Variants in POLR3E observed in about 807,000 individuals in gnomAD.
POLR3E encodes DNA-directed RNA polymerase III subunit RPC5.
A neutral mutation model predicts 96.6 loss-of-function variants in POLR3E; 41 were observed. The ratio of observed to expected loss-of-function variants is 0.42; its 90% CI spans 0.33 to 0.55. The LOEUF is 0.55. Ranked by LOEUF, POLR3E falls within the 20% of genes least tolerant of loss-of-function variation. The pLI, the probability that POLR3E is intolerant of heterozygous loss-of-function variation, is 0.06. For synonymous variants in POLR3E, 396 were observed against 383.6 expected (o/e 1.03, Z -0.38); for missense variants, 849 against 952.1 (o/e 0.89, Z 1.43).
In POLR3E at chr16:22,309,076, G is replaced by T. The variant is rs754939971; in HGVS notation, c.281+36G>T. On this transcript the variant is annotated intron_variant, in intron 5 of 20. Coordinates refer to ENST00000299853, the MANE Select transcript of POLR3E (RefSeq NM_018119.4). The stretch of plus-strand genomic sequence containing the variant: ...GGCCCCAAGCCTGTCCGGTTTCCCT[G>T]CGTTCACACAGGAGCCTCCAAAAGA... 1.2e-5 allele frequency: 17 copies of T among 1,452,594 alleles called. No individual in the cohort carries two copies. In the East Asian group the frequency reaches 2.9e-4, roughly 25 times the overall value. 90.0% of individuals were successfully genotyped at this position (1,452,594 alleles called of 1,614,324 possible).
At position 22,322,762 on chromosome 16, in the gene POLR3E, A is replaced by C. The variant is rs1240087514; in HGVS notation, c.987-88A>C. The stretch of plus-strand genomic sequence containing the variant: ...CCTGTACCCAGCCCACGGTGGAAAG[A>C]AGCATGGACTGGGGCTTGGCCGGGA... On this transcript the variant is annotated intron_variant, in intron 13 of 20. Transcript: ENST00000299853. The surrounding 1 kb of genome is among the most constrained non-coding windows in gnomAD (Gnocchi z 5.2). The C allele has an allele frequency of 5.7e-6, 5 of 881,442 alleles. No individual in the cohort carries two copies. The South Asian group carries it at 5.7e-5, about 10-fold the overall frequency. 54.6% of individuals were successfully genotyped at this position (881,442 alleles called of 1,614,324 possible).
At chr16:22,304,135 T>C (rs2048086264) in intron 2 of POLR3E, among the ~76,000 whole-genome samples, 1 of 152,110 alleles carries the variant, frequency 6.6e-6, no homozygotes, top group Non-Finnish European at 1.5e-5. Flanking sequence ...TAGAGAAAGC[T>C]GTTGATAGTC....
chr16:22,308,080 C>A, intron 3 of POLR3E, 68 bp from the exon 4 acceptor site: 3 of 1,230,084 alleles, frequency 2.4e-6, no homozygotes, highest in South Asian at 1.2e-5. Context: ...GCTGTTGATT[C>A]TTGGCCAGGG....
chr16:22,328,626 G>C (rs1368616797), intron 19 of POLR3E, 39 bp downstream of exon 19: 5 of 1,570,260 alleles, frequency 3.2e-6, no homozygotes, highest in Non-Finnish European at 4.4e-6. Context: ...GAAGAGCCAG[G>C]GGGGTTTCCT....
Position 22,322,825 on chromosome 16 carries a change from C to T in POLR3E, c.987-25C>T. 2 of 1,569,830 alleles carry T rather than the reference C, an allele frequency of 1.3e-6. No individual in the cohort carries two copies. The highest frequency in any genetic ancestry group is 1.1e-5 in the South Asian group (1 of 89,966). On this transcript the variant is annotated intron_variant, in intron 13 of 20. Transcript: ENST00000299853. This position sits in a 1 kb window ranked among gnomAD's most constrained non-coding sequence, Gnocchi z 5.2. Reference sequence around the variant, plus strand: ...GAGGGGGCTCAGGGCAGGGACTGACCTGCCATCCTCACCTGCATTGGCAGT... The same window carrying T: ...GAGGGGGCTCAGGGCAGGGACTGACTTGCCATCCTCACCTGCATTGGCAGT...
At chr16:22,306,400 C>A (rs2048133773) in intron 3 of POLR3E, among the ~76,000 whole-genome samples, 1 of 152,104 alleles carries the variant, frequency 6.6e-6, no homozygotes, top group Non-Finnish European at 1.5e-5. Flanking sequence ...GGACTACAGG[C>A]ACGCGCCACA....
chr16:22,325,657 T>G, intron 17 of POLR3E, 104 bp from the exon 18 acceptor site: 3 of 1,331,012 alleles, frequency 2.3e-6, no homozygotes, highest in Non-Finnish European at 3.0e-6. Flanking sequence ...AGGTTGGGGA[T>G]GAGACCAGGA....
intron 6 of POLR3E, 31 bp downstream of exon 6, chr16:22,309,541 A>T: frequency 6.7e-7 from 1 of 1,486,968 alleles, no homozygotes; most frequent in Non-Finnish European, 9.4e-7. Context: ...CGCGGTGGGG[A>T]CATGGCATTG....
Position 22,311,925 on chromosome 16 carries a change from C to G in POLR3E, c.365-1695C>G, listed in dbSNP as rs1188447330. 2.0e-5 allele frequency among the ~76,000 whole-genome samples: 3 copies of G among 152,172 alleles called. No individual in the cohort carries two copies. In the South Asian group the frequency reaches 6.2e-4, roughly 32 times the overall value. ...ATAGAGCCGAGGCGTGTAGTAGGCT[C>G]TGCTATCTGGGTTTCTGTGAGTGCA... On this transcript the variant is annotated intron_variant, in intron 6 of 20. Coordinates refer to ENST00000299853, the MANE Select transcript of POLR3E (RefSeq NM_018119.4).
In POLR3E at chr16:22,313,540, C is replaced by T. The variant is rs1205317926; in HGVS notation, c.365-80C>T. The T allele has an allele frequency of 2.3e-6, 2 of 869,258 alleles. No individual in the cohort carries two copies. The highest frequency in any genetic ancestry group is 3.9e-6 in the Non-Finnish European group (2 of 516,664). The allele number at this position is 869,258 out of a possible 1,614,324, so 53.8% of individuals were successfully genotyped here. On this transcript the variant is annotated intron_variant, in intron 6 of 20. Coordinates refer to ENST00000299853, the MANE Select transcript of POLR3E (RefSeq NM_018119.4). The surrounding 1 kb of genome is among the most constrained non-coding windows in gnomAD (Gnocchi z 4.1). The stretch of plus-strand genomic sequence containing the variant: ...AGGCGGTTTGATGGTGGGCCTAGGC[C>T]TTCACGGGACTTGGTGACTCTCTTG...
rs758689506 is a variant in POLR3E, at chr16:22,317,118, C to T, written c.777C>T (p.Asp259=). The T allele has an allele frequency of 1.2e-6, 2 of 1,614,128 alleles. No homozygotes were observed. Among genetic ancestry groups the T allele is most frequent in the Admixed American group, 3.3e-5 (2 of 60,034 alleles). ...CCGTCCCCTCTGCTTTTCCCAGAGA[C>T]AAGCCTGTGGCCCCCAGCAACGTCC... ...LMPPSQEEEK[D]KPVAPSNVLS... Residue 259 remains aspartate, a synonymous_variant, in exon 12 of 21, where the codon GAC becomes GAT. Coordinates refer to ENST00000299853, the MANE Select transcript of POLR3E (RefSeq NM_018119.4).
intron 3 of POLR3E, among the ~76,000 whole-genome samples, chr16:22,307,858 G>A (rs560065075): frequency 2.0e-5 from 3 of 152,310 alleles, no homozygotes; most frequent in East Asian, 3.9e-4. Context: ...GGTTCCTGGA[G>A]CAGCAGCGTG....
intron 6 of POLR3E, among the ~76,000 whole-genome samples, chr16:22,312,148 A>G (rs778444466): frequency 1.3e-5 from 2 of 152,066 alleles, no homozygotes; most frequent in Non-Finnish European, 2.9e-5. Context: ...TGGTGATGAG[A>G]ATGTTCTAAA....
chr16:22,321,733 C>T (rs2048475146), intron 13 of POLR3E, among the ~76,000 whole-genome samples: 1 of 152,214 alleles, frequency 6.6e-6, no homozygotes, highest in South Asian at 2.1e-4. Context: ...CCTGGAGGTG[C>T]TGCCCCTTTT....
chr16:22,313,900 C>T lies in POLR3E; in HGVS notation c.472+173C>T, dbSNP rs919930251. Among the ~76,000 whole-genome samples the T allele has an allele frequency of 2.6e-5, 4 of 152,086 alleles. No homozygotes were observed. Among genetic ancestry groups the T allele is most frequent in the Non-Finnish European group, 5.9e-5 (4 of 68,020 alleles). On this transcript the variant is annotated intron_variant, in intron 7 of 20. Coordinates refer to ENST00000299853, the MANE Select transcript of POLR3E (RefSeq NM_018119.4). The surrounding 1 kb of genome is among the most constrained non-coding windows in gnomAD (Gnocchi z 4.1). Reference sequence around the variant, plus strand: ...GTGACAATCAAAAAGGTCACATTGCCCAGTATCCCCAGGGTAAAGGGGCAA... The same window carrying T: ...GTGACAATCAAAAAGGTCACATTGCTCAGTATCCCCAGGGTAAAGGGGCAA...
At position 22,313,851 on chromosome 16, in the gene POLR3E, GC is replaced by G; in HGVS notation, c.472+126del. 1 of 725,676 alleles carries G rather than the reference GC, an allele frequency of 1.4e-6. No homozygotes were observed. The allele number at this position is 725,676 out of a possible 1,614,324, so 45.0% of individuals were successfully genotyped here. Reference sequence around the variant, plus strand: ...GATCCCTGGCCTCTACCTACTAGATGCCAGAAGCACCCACCCCACAGTCGTG... The same window carrying G: ...GATCCCTGGCCTCTACCTACTAGATGCAGAAGCACCCACCCCACAGTCGTG... On this transcript the variant is annotated intron_variant, in intron 7 of 20. Coordinates refer to ENST00000299853, the MANE Select transcript of POLR3E (RefSeq NM_018119.4). The surrounding 1 kb of genome is among the most constrained non-coding windows in gnomAD (Gnocchi z 4.1).
intron 3 of POLR3E, among the ~76,000 whole-genome samples, chr16:22,305,653 T>C (rs1170167656): frequency 1.3e-5 from 2 of 152,108 alleles, no homozygotes; most frequent in East Asian, 3.9e-4. Context: ...TGATGGCCGC[T>C]GTTGTCATGG....
chr16:22,322,884 C>T lies in POLR3E; in HGVS notation c.1021C>T (p.His341Tyr). Residue 341 changes from histidine (H) to tyrosine (Y), a missense_variant, in exon 14 of 21, where the codon CAC (histidine) becomes TAC (tyrosine). Coordinates refer to ENST00000299853, the MANE Select transcript of POLR3E (RefSeq NM_018119.4). This position sits in a 1 kb window ranked among gnomAD's most constrained non-coding sequence, Gnocchi z 5.2. ...ATACCCCAAGGACTCGTCCAGCCCTCACAGCGGCGTGCCTGCTGAGGTGCT... is the reference window on the plus strand; with the variant it reads ...ATACCCCAAGGACTCGTCCAGCCCTTACAGCGGCGTGCCTGCTGAGGTGCT... ...ILYPKDSSSPHSGVPAEVLCR... is the reference protein window; with the variant it reads ...ILYPKDSSSPYSGVPAEVLCR... 6.2e-7 allele frequency: 1 copy of T among 1,613,506 alleles called. No homozygotes were observed. Among genetic ancestry groups the T allele is most frequent in the South Asian group, 1.1e-5 (1 of 91,046 alleles).
chr16:22,329,310 T>C (rs2141821079), intron 19 of POLR3E, among the ~76,000 whole-genome samples: 1 of 152,280 alleles, frequency 6.6e-6, no homozygotes, highest in South Asian at 2.1e-4. Flanking sequence ...ATTGGTCATT[T>C]TGCCTCTAGT....
Sources: allele counts gnomAD v4.1 joint callset (sites outside exome capture counted in the v4.1 genomes callset), GRCh38; gene constraint gnomAD v4.1.1; non-coding constraint Gnocchi (gnomAD v3.1); transcripts MANE v1.5; gene names NCBI Gene and HGNC (gene_info 2026-07-23, HGNC 2026-07-21).